Variants in DIAPH3 observed in about 807,000 individuals in gnomAD.
DIAPH3 encodes the protein diaphanous related formin 3, also known as protein diaphanous homolog 3.
In DIAPH3, 117 loss-of-function variants were observed where a neutral mutation model predicts 144.3. The ratio of observed to expected loss-of-function variants is 0.81; its 90% confidence interval spans 0.70 to 0.95. The LOEUF (loss-of-function observed/expected upper bound fraction) is 0.95, where lower values mean the gene tolerates loss of function less well. Ranked by LOEUF, DIAPH3 falls within the 40% of genes least tolerant of loss-of-function variation. The probability of loss-of-function intolerance (pLI) is 0.00; values close to 1 mark genes in which losing one functional copy is unlikely to be tolerated. For synonymous variants in DIAPH3, 519 were observed against 488.9 expected, an observed-to-expected ratio of 1.06 and a Z score of -0.81; for missense variants, 1,421 against 1,412.7, an observed-to-expected ratio of 1.01 and a Z score of -0.09.
chr13:60,144,704 C>A (rs1003447281), intron 1 of DIAPH3: 1 of 152,252 alleles, frequency 6.6e-6, no homozygotes, highest in African/African-American at 2.4e-5. Context: ...GTGTGAAGAT[C>A]AAAGCAGAGG....
At chr13:59,987,475 T>TAAAAAAAAAAA (rs201333360) in intron 12 of DIAPH3, among the ~76,000 whole-genome samples, 17 of 69,846 alleles carry the variant, frequency 2.4e-4, no homozygotes, top group Middle Eastern at 7.8e-3. Flanking sequence ...TAAAGTATAA[T>TAAAAAAAAAAA]AAAAAAAAAA....
chr13:60,139,413 C>T (rs1001117286), intron 1 of DIAPH3, among the ~76,000 whole-genome samples: 2 of 152,162 alleles, frequency 1.3e-5, no homozygotes, highest in African/African-American at 4.8e-5. Flanking sequence ...TTCTGCCAAC[C>T]TCAGAAAGAC....
At chr13:59,716,779 T>C in intron 27 of DIAPH3, among the ~76,000 whole-genome samples, 1 of 152,168 alleles carries the variant, frequency 6.6e-6, no homozygotes, top group South Asian at 2.1e-4. Context: ...TTAATACATA[T>C]AATGGGTGGG....
intron 5 of DIAPH3, among the ~76,000 whole-genome samples, chr13:60,028,124 T>A (rs902700225): frequency 1.3e-5 from 2 of 152,204 alleles, no homozygotes; most frequent in Admixed American, 6.5e-5. Context: ...CTTTGAACTC[T>A]CGCTGATTTG....
intron 9 of DIAPH3, 61 bp from the exon 10 acceptor site, chr13:59,992,644 C>T (rs1302553109): frequency 1.4e-5 from 18 of 1,316,734 alleles, no homozygotes; most frequent in South Asian, 3.7e-5. Context: ...GAGTAACAAA[C>T]GTAAACTTCA....
intron 2 of DIAPH3, among the ~76,000 whole-genome samples, chr13:60,127,277 T>C (rs546574320): frequency 1.3e-5 from 2 of 152,058 alleles, no homozygotes; most frequent in Middle Eastern, 6.8e-3. Flanking sequence ...GATTTAACAA[T>C]ATAGGTAAAA....
At chr13:59,807,646 G>T (rs2139529079) in intron 25 of DIAPH3, among the ~76,000 whole-genome samples, 1 of 152,086 alleles carries the variant, frequency 6.6e-6, no homozygotes, top group East Asian at 1.9e-4. Context: ...GCAAATTACA[G>T]GTTTGGAAAG....
chr13:59,783,162 G>A (rs1052684644), intron 25 of DIAPH3, among the ~76,000 whole-genome samples: 5 of 152,058 alleles, frequency 3.3e-5, no homozygotes, highest in African/African-American at 1.2e-4. Flanking sequence ...TTTAAATCTA[G>A]ACAAAATGTG....
chr13:60,132,001 G>C (rs549794780), intron 2 of DIAPH3, among the ~76,000 whole-genome samples: 3 of 152,152 alleles, frequency 2.0e-5, no homozygotes, highest in Non-Finnish European at 4.4e-5. Context: ...ACCTTGCAAG[G>C]TGAGAAATCT....
At chr13:59,676,344 G>A (rs985619656) in intron 27 of DIAPH3, among the ~76,000 whole-genome samples, 1 of 152,148 alleles carries the variant, frequency 6.6e-6, no homozygotes, top group African/African-American at 2.4e-5. Flanking sequence ...TCCAGTGTTT[G>A]TTTCCCTGAA....
intron 20 of DIAPH3, among the ~76,000 whole-genome samples, chr13:59,885,796 G>A (rs924740191): frequency 6.6e-6 from 1 of 152,026 alleles, no homozygotes; most frequent in Non-Finnish European, 1.5e-5. Flanking sequence ...ACCCAGAAAC[G>A]CCAAGGATCG....
At position 59,825,497 on chromosome 13, in the gene DIAPH3, T is replaced by C. The variant is rs547573654; in HGVS notation, c.3027+7610A>G. On this transcript the variant is annotated intron_variant, in intron 24 of 27. Coordinates refer to ENST00000400324, the MANE Select transcript of DIAPH3 (RefSeq NM_001042517.2). Reference sequence around the variant, plus strand: ...TTGTGAATAGTGTACAATAAACATATGGGTGCATGTGTCTTTACAGCAGCA... The same window carrying C: ...TTGTGAATAGTGTACAATAAACATACGGGTGCATGTGTCTTTACAGCAGCA... Among the ~76,000 whole-genome samples, 12 of 152,276 alleles carry C rather than the reference T, an allele frequency of 7.9e-5. No homozygotes were observed. The East Asian group carries it at 9.6e-4, about 12-fold the overall frequency.
chr13:60,084,003 T>TAGAC (rs766359105), intron 4 of DIAPH3, among the ~76,000 whole-genome samples: 42 of 130,060 alleles, frequency 3.2e-4, no homozygotes, highest in African/African-American at 9.4e-4. Flanking sequence ...GATAGATAGA[T>TAGAC]AGACAGATAG....
chr13:59,888,553 T>C (rs992817910), intron 20 of DIAPH3, among the ~76,000 whole-genome samples: 2 of 152,146 alleles, frequency 1.3e-5, no homozygotes, highest in African/African-American at 2.4e-5. Context: ...CTGGTTTGTC[T>C]AGGATTAATA....
intron 14 of DIAPH3, 114 bp downstream of exon 14, chr13:59,980,681 C>T (rs1418042223): frequency 1.0e-6 from 1 of 971,252 alleles, no homozygotes; most frequent in Non-Finnish European, 1.6e-6. Flanking sequence ...CATCTATGCA[C>T]ACACCTGAAG....
chr13:59,971,940 T>G (rs1395678884), intron 15 of DIAPH3, among the ~76,000 whole-genome samples: 1 of 152,186 alleles, frequency 6.6e-6, no homozygotes, highest in African/African-American at 2.4e-5. Context: ...ATCTGACCAC[T>G]CATTTTACAC....
chr13:59,818,526 T>A (rs1254083105), intron 24 of DIAPH3, among the ~76,000 whole-genome samples: 1 of 151,866 alleles, frequency 6.6e-6, no homozygotes, highest in Non-Finnish European at 1.5e-5. Context: ...CATTATTTAT[T>A]TGAAGTGAGT....
chr13:60,090,952 T>C (rs190203040), intron 4 of DIAPH3, among the ~76,000 whole-genome samples: 20 of 152,314 alleles, frequency 1.3e-4, no homozygotes, highest in African/African-American at 4.6e-4. Flanking sequence ...AGGATTAAAG[T>C]TGAAAATCAG....
chr13:59,939,935 G>A (rs895166404), intron 17 of DIAPH3, among the ~76,000 whole-genome samples: 2 of 151,424 alleles, frequency 1.3e-5, no homozygotes, highest in African/African-American at 4.9e-5. Flanking sequence ...GAAATCCCTG[G>A]ATGGTTTATA....
Sources: gnomAD v4.1 joint callset for allele counts (sites outside exome capture counted in the v4.1 genomes callset) on GRCh38, gnomAD v4.1.1 for gene constraint, MANE v1.5 for transcripts, NCBI Gene and HGNC (gene_info 2026-07-23, HGNC 2026-07-21) for gene names.